PTPRD: variants seen among roughly 807,000 people sequenced by gnomAD.
The protein encoded by PTPRD is receptor-type tyrosine-protein phosphatase delta.
Under a neutral mutation model 214.5 loss-of-function variants are expected in PTPRD, and 34 were observed. The observed-to-expected ratio is 0.16, with a 90% confidence interval of 0.12 to 0.21. The LOEUF (loss-of-function observed/expected upper bound fraction) is 0.21. Ranked by LOEUF, PTPRD falls within the 10% of genes least tolerant of loss-of-function variation. The pLI is 1.00. For missense variants in PTPRD, 2,545 were observed against 2,398.7 expected, an observed-to-expected ratio of 1.06 and a Z score of -1.27; for synonymous variants, 1,128 against 845.7, an observed-to-expected ratio of 1.33 and a Z score of -5.79.
intron 9 of PTPRD, among the ~76,000 whole-genome samples, chr9:9,331,859 A>G (rs2136606999): frequency 6.6e-6 from 1 of 152,174 alleles, no homozygotes; most frequent in South Asian, 2.1e-4. Flanking sequence ...TTAGACATGC[A>G]TACTAATTAG....
intron 8 of PTPRD, among the ~76,000 whole-genome samples, chr9:9,406,456 A>AG (rs2073408031): frequency 6.6e-6 from 1 of 151,936 alleles, no homozygotes; most frequent in Non-Finnish European, 1.5e-5. Context: ...TATTAAGAAA[A>AG]GCACCCTCCA....
At position 10,404,856 on chromosome 9, in the gene PTPRD, T is replaced by C. The variant is rs1339341204; in HGVS notation, c.-599-63839A>G. Among the ~76,000 whole-genome samples the C allele has an allele frequency of 4.1e-5, 2 of 48,624 alleles. 1 individual carries two copies. The highest frequency in any genetic ancestry group is 1.3e-3 in the South Asian group (2 of 1,580). The allele number at this position is 48,624 out of a possible 152,430, so 31.9% of individuals were successfully genotyped here. On this transcript the variant is annotated intron_variant, in intron 2 of 45. Coordinates refer to ENST00000381196, the MANE Select transcript of PTPRD (RefSeq NM_002839.4). ...AACAGGTCTAACTTGATCTTTGTTG[T>C]AGTGAGCTAGGATATGACTTTCTTC...
chr9:8,863,550 C>A (rs1276973068), intron 11 of PTPRD, among the ~76,000 whole-genome samples: 1 of 152,120 alleles, frequency 6.6e-6, no homozygotes, highest in African/African-American at 2.4e-5. Flanking sequence ...GTCAAGAAGG[C>A]CCATTAATGC....
chr9:10,268,440 A>T (rs2498630), intron 3 of PTPRD, among the ~76,000 whole-genome samples: 10 of 151,922 alleles, frequency 6.6e-5, no homozygotes, highest in African/African-American at 2.4e-4. Context: ...TTAAATATAT[A>T]GTTTCAGAGA....
chr9:9,440,807 T>C (rs1021105771), intron 8 of PTPRD, among the ~76,000 whole-genome samples: 5 of 152,226 alleles, frequency 3.3e-5, no homozygotes, highest in African/African-American at 1.2e-4. Flanking sequence ...TAATATGGCA[T>C]GGCAAGACCA....
At position 8,486,358 on chromosome 9, in the gene PTPRD, C is replaced by T. The variant is rs2135983231; in HGVS notation, c.2468-9G>A. 6.2e-7 allele frequency: 1 copy of T among 1,612,238 alleles called. No individual in the cohort carries two copies. The highest frequency in any genetic ancestry group is 8.5e-7 in the Non-Finnish European group (1 of 1,178,384). ...CCGAGGTTTCCCTGGAACTGGAGCA[C>T]ATGGGATGGAGTGGTAAGACCAACC... On this transcript the variant is annotated splice_polypyrimidine_tract_variant and intron_variant, in intron 27 of 45. Transcript: ENST00000381196.
intron 12 of PTPRD, among the ~76,000 whole-genome samples, chr9:8,668,635 C>T (rs1286377618): frequency 1.3e-5 from 2 of 152,084 alleles, no homozygotes; most frequent in African/African-American, 4.8e-5. Context: ...GAAATTACTA[C>T]TAGAAGAAAA....
In PTPRD at chr9:10,141,906, G is replaced by C. The variant is rs551530743; in HGVS notation, c.-544-108116C>G. On this transcript the variant is annotated intron_variant, in intron 3 of 45. Coordinates refer to ENST00000381196, the MANE Select transcript of PTPRD (RefSeq NM_002839.4). ...ATGGTACTGGTACCAAAACAGCATG[G>C]TACTGGTACCAAAACAGAGATATAG... is the stretch of plus-strand genomic sequence containing the variant. 3.9e-5 allele frequency among the ~76,000 whole-genome samples: 6 copies of C among 152,090 alleles called. No individual in the cohort carries two copies. In the East Asian group the frequency reaches 1.2e-3, roughly 30 times the overall value.
chr9:9,986,234 G>C (rs980231452), intron 4 of PTPRD, among the ~76,000 whole-genome samples: 2 of 152,028 alleles, frequency 1.3e-5, no homozygotes, highest in Admixed American at 1.3e-4. Context: ...TATTTCTTCT[G>C]ATCCAAAAAT....
chr9:8,940,503 G>C (rs1360800153), intron 11 of PTPRD, among the ~76,000 whole-genome samples: 6 of 138,782 alleles, frequency 4.3e-5, no homozygotes, highest in Non-Finnish European at 6.1e-5. Flanking sequence ...ATGTTGGCCA[G>C]GCTGGTTTTG....
chr9:10,147,930 T>C (rs995287949), intron 3 of PTPRD, among the ~76,000 whole-genome samples: 1 of 152,072 alleles, frequency 6.6e-6, no homozygotes, highest in African/African-American at 2.4e-5. Context: ...TTTGCACATG[T>C]GAATATTGTG....
chr9:9,910,359 A>G (rs2078843960), intron 5 of PTPRD, among the ~76,000 whole-genome samples: 1 of 152,018 alleles, frequency 6.6e-6, no homozygotes, highest in Non-Finnish European at 1.5e-5. Context: ...TCTTTTAAAA[A>G]TATCTGTATA....
intron 7 of PTPRD, among the ~76,000 whole-genome samples, chr9:9,604,287 A>C (rs1050948273): frequency 6.6e-6 from 1 of 152,152 alleles, no homozygotes; most frequent in African/African-American, 2.4e-5. Flanking sequence ...ATTCATTAAA[A>C]TATGACAGGC....
chr9:8,787,137 G>A (rs559395029), intron 11 of PTPRD, among the ~76,000 whole-genome samples: 1 of 152,094 alleles, frequency 6.6e-6, no homozygotes, highest in Non-Finnish European at 1.5e-5. Context: ...CGCCTGACCT[G>A]AGAAAACTAT....
intron 10 of PTPRD, among the ~76,000 whole-genome samples, chr9:9,149,773 C>T (rs938430854): frequency 6.6e-6 from 1 of 152,186 alleles, no homozygotes; most frequent in Non-Finnish European, 1.5e-5. Flanking sequence ...AAGTCTGTTT[C>T]CACCTTGGGG....
chr9:9,644,486 A>C (rs971263232), intron 7 of PTPRD, among the ~76,000 whole-genome samples: 10 of 152,240 alleles, frequency 6.6e-5, no homozygotes, highest in Non-Finnish European at 1.0e-4. Context: ...CCAGTTAAAA[A>C]ATGATCCTCT....
At chr9:10,057,309 A>T (rs2097671140) in intron 3 of PTPRD, among the ~76,000 whole-genome samples, 1 of 152,152 alleles carries the variant, frequency 6.6e-6, no homozygotes. Context: ...AAGGCCATGA[A>T]AGATAATTTA....
intron 7 of PTPRD, among the ~76,000 whole-genome samples, chr9:9,609,781 G>A (rs774370356): frequency 6.6e-6 from 1 of 152,130 alleles, no homozygotes; most frequent in Non-Finnish European, 1.5e-5. Context: ...ACTTTCATAA[G>A]CTTGAACTCT....
chr9:9,956,918 A>G (rs550833449), intron 4 of PTPRD, among the ~76,000 whole-genome samples: 47 of 152,296 alleles, frequency 3.1e-4, no homozygotes, highest in Admixed American at 7.2e-4. Flanking sequence ...AGAAAAGATG[A>G]TGTTTATGTT....
Sources: allele counts gnomAD v4.1 joint callset (sites outside exome capture counted in the v4.1 genomes callset), GRCh38; gene constraint gnomAD v4.1.1; transcripts MANE v1.5; gene names NCBI Gene and HGNC (gene_info 2026-07-23, HGNC 2026-07-21).